ADAMTS6: variants seen among roughly 807,000 people sequenced by gnomAD.
ADAMTS6 encodes the protein A disintegrin and metalloproteinase with thrombospondin motifs 6.
In ADAMTS6, 23 loss-of-function variants were observed where a neutral mutation model predicts 144.3. The ratio of observed to expected loss-of-function variants is 0.16; its 90% CI spans 0.11 to 0.23. The LOEUF is 0.23. ADAMTS6 is among the 10% of genes least tolerant of loss of function. The probability of loss-of-function intolerance (pLI) is 1.00; values close to 1 mark genes in which losing one functional copy is unlikely to be tolerated. For missense variants in ADAMTS6, 999 were observed against 1,379.6 expected (o/e 0.72, Z 4.37); for synonymous variants, 444 against 457.5 (o/e 0.97, Z 0.38).
At position 65,231,101 on chromosome 5, in the gene ADAMTS6, T is replaced by A. The variant is rs533167317; in HGVS notation, c.1934-4882A>T. 1.4e-3 allele frequency among the ~76,000 whole-genome samples: 218 copies of A among 151,048 alleles called. 2 individuals are homozygous for A. Among genetic ancestry groups the A allele is most frequent in the Admixed American group, 8.2e-3 (124 of 15,140 alleles). On this transcript the variant is annotated intron_variant, in intron 15 of 24. Transcript: ENST00000381055. Reference sequence around the variant, plus strand: ...AATGAAAAACAAAATGAATTTTTTTTAAAAAAAAACAAGACAACTCTATAT... The same window carrying A: ...AATGAAAAACAAAATGAATTTTTTTAAAAAAAAAACAAGACAACTCTATAT...
At chr5:65,390,758 T>C (rs907056762) in intron 7 of ADAMTS6, among the ~76,000 whole-genome samples, 1 of 152,198 alleles carries the variant, frequency 6.6e-6, no homozygotes, top group Non-Finnish European at 1.5e-5. Flanking sequence ...GTTATATCAG[T>C]TGAAACGTCA....
chr5:65,156,805 A>C (rs1752448197), intron 24 of ADAMTS6, among the ~76,000 whole-genome samples: 1 of 152,226 alleles, frequency 6.6e-6, no homozygotes, highest in Non-Finnish European at 1.5e-5. Context: ...GACTATCATC[A>C]TGTACCAGCT....
Position 65,215,413 on chromosome 5 carries a change from C to T in ADAMTS6, c.2347G>A (p.Ala783Thr). 6.2e-7 allele frequency: 1 copy of T among 1,614,010 alleles called. No individual in the cohort carries two copies. Reference protein sequence around the residue: ...TIDWPRKFDVAGTAFHYKRPT... With the variant: ...TIDWPRKFDVTGTAFHYKRPT... ...CTCTTGTAATGAAAAGCTGTCCCAGCAACATCAAATTTCCTAGGCCAGTCA... is the reference window on the plus strand; with the variant it reads ...CTCTTGTAATGAAAAGCTGTCCCAGTAACATCAAATTTCCTAGGCCAGTCA... Residue 783 changes from alanine to threonine, a missense_variant, in exon 19 of 25, where the codon GCT becomes ACT. This residue lies in a region of ADAMTS6 where 619 missense variants were observed against 837.0 expected (regional missense o/e 0.74). Coordinates refer to ENST00000381055, the MANE Select transcript of ADAMTS6 (RefSeq NM_197941.4).
chr5:65,188,998 T>C (rs183699139), intron 21 of ADAMTS6, among the ~76,000 whole-genome samples: 87 of 152,336 alleles, frequency 5.7e-4, no homozygotes, highest in African/African-American at 2.0e-3. Context: ...CCTGAGAACA[T>C]GGGAGTCTTA....
At chr5:65,382,189 A>G (rs765558302) in intron 7 of ADAMTS6, among the ~76,000 whole-genome samples, 7 of 152,234 alleles carry the variant, frequency 4.6e-5, no homozygotes, top group Non-Finnish European at 8.8e-5. Context: ...ATAAAAAGCC[A>G]AAATGGTATT....
Position 65,244,676 on chromosome 5 carries a change from T to C in ADAMTS6, c.1831-2470A>G, listed in dbSNP as rs1015803029. On this transcript the variant is annotated intron_variant, in intron 14 of 24. Transcript: ENST00000381055. Reference sequence around the variant, plus strand: ...CTTCTCAACACTCTTTTGAGGTAGATATAATTAATAATCTCATTTTACAAT... The same window carrying C: ...CTTCTCAACACTCTTTTGAGGTAGACATAATTAATAATCTCATTTTACAAT... Among the ~76,000 whole-genome samples the C allele has an allele frequency of 9.2e-5, 14 of 152,174 alleles. 1 individual carries two copies. Among genetic ancestry groups the C allele is most frequent in the African/African-American group, 3.4e-4 (14 of 41,470 alleles).
chr5:65,478,368 C>A (rs1242931279), intron 1 of ADAMTS6, among the ~76,000 whole-genome samples: 1 of 152,134 alleles, frequency 6.6e-6, no homozygotes, highest in Non-Finnish European at 1.5e-5. Flanking sequence ...AATGCATTGA[C>A]CTTTTAAATT....
intron 7 of ADAMTS6, among the ~76,000 whole-genome samples, chr5:65,442,485 T>C (rs1580717834): frequency 6.6e-6 from 1 of 152,164 alleles, no homozygotes; most frequent in East Asian, 1.9e-4. Flanking sequence ...GGAAATAATA[T>C]CAATTCTATA....
intron 7 of ADAMTS6, among the ~76,000 whole-genome samples, chr5:65,380,900 G>T (rs1055768026): frequency 6.6e-6 from 1 of 152,038 alleles, no homozygotes; most frequent in South Asian, 2.1e-4. Flanking sequence ...AATGACTTAT[G>T]ACATATAAAA....
chr5:65,316,660 C>A (rs1267597750), intron 9 of ADAMTS6, among the ~76,000 whole-genome samples: 1 of 151,952 alleles, frequency 6.6e-6, no homozygotes, highest in Non-Finnish European at 1.5e-5. Context: ...TTGTAACATG[C>A]AAACAATAAA....
chr5:65,386,439 C>T (rs1752482520), intron 7 of ADAMTS6, among the ~76,000 whole-genome samples: 1 of 152,070 alleles, frequency 6.6e-6, no homozygotes, highest in Non-Finnish European at 1.5e-5. Context: ...AGAAGTGTAC[C>T]TGATAGATCA....
At chr5:65,363,793 T>C (rs1021728494) in intron 7 of ADAMTS6, among the ~76,000 whole-genome samples, 2 of 152,190 alleles carry the variant, frequency 1.3e-5, no homozygotes, top group African/African-American at 4.8e-5. Flanking sequence ...CAACACAATG[T>C]TCACGGTAAG....
intron 9 of ADAMTS6, among the ~76,000 whole-genome samples, chr5:65,326,118 C>A (rs1325819839): frequency 6.6e-6 from 1 of 151,914 alleles, no homozygotes. Flanking sequence ...ATTTTTAAGA[C>A]CCCTTGTTAA....
intron 18 of ADAMTS6, among the ~76,000 whole-genome samples, chr5:65,221,492 C>G (rs1757320867): frequency 6.6e-6 from 1 of 152,114 alleles, no homozygotes; most frequent in South Asian, 2.1e-4. Flanking sequence ...CTCAAACTGA[C>G]AAAGGTCATT....
chr5:65,243,582 T>TA (rs1489159006), intron 14 of ADAMTS6, among the ~76,000 whole-genome samples: 1 of 151,936 alleles, frequency 6.6e-6, no homozygotes, highest in East Asian at 1.9e-4. Flanking sequence ...TGCTTGCCTT[T>TA]AAAAAAAATG....
intron 14 of ADAMTS6, among the ~76,000 whole-genome samples, chr5:65,248,126 G>A (rs913675258): frequency 1.3e-5 from 2 of 152,120 alleles, no homozygotes; most frequent in African/African-American, 4.8e-5. Flanking sequence ...TTTAAAAGTT[G>A]CAAACAAATT....
At chr5:65,398,175 C>T (rs1753515132) in intron 7 of ADAMTS6, among the ~76,000 whole-genome samples, 1 of 152,074 alleles carries the variant, frequency 6.6e-6, no homozygotes, top group Admixed American at 6.5e-5. Flanking sequence ...TCAACTATGT[C>T]CTTACTGATT....
chr5:65,446,823 T>C (rs1286063502), intron 7 of ADAMTS6, among the ~76,000 whole-genome samples: 2 of 152,092 alleles, frequency 1.3e-5, no homozygotes, highest in African/African-American at 2.4e-5. Flanking sequence ...CTGAGGGGAA[T>C]GTAGGGAATG....
intron 7 of ADAMTS6, among the ~76,000 whole-genome samples, chr5:65,371,632 A>T (rs904293225): frequency 8.5e-5 from 13 of 152,202 alleles, no homozygotes; most frequent in Admixed American, 8.5e-4. Flanking sequence ...GAAAAGACCA[A>T]ATCTACGTCT....
Sources: gnomAD v4.1 joint callset for allele counts (sites outside exome capture counted in the v4.1 genomes callset) on GRCh38, gnomAD v4.1.1 for gene constraint, gnomAD v4.1.1 regional missense constraint, MANE v1.5 for transcripts, NCBI Gene and HGNC (gene_info 2026-07-23, HGNC 2026-07-21) for gene names.